The following PARVB variants were observed in gnomAD, a reference collection of about 807,000 sequenced individuals.
The protein encoded by PARVB is beta-parvin.
PARVB carries 46 observed loss-of-function variants against 47.0 expected under a neutral mutation model. That is an observed-to-expected ratio of 0.98 (90% CI 0.77 to 1.25). The LOEUF is 1.25. PARVB is among the 50% of genes most tolerant of loss of function. PARVB has a pLI of 0.00. For synonymous variants in PARVB, 196 were observed against 196.3 expected, an observed-to-expected ratio of 1.00 and a Z score of 0.01; for missense variants, 473 against 471.6, an observed-to-expected ratio of 1.00 and a Z score of -0.03.
intron 2 of PARVB, among the ~76,000 whole-genome samples, chr22:44,017,035 C>T (rs2050590704): frequency 6.6e-6 from 1 of 152,034 alleles, no homozygotes; most frequent in East Asian, 1.9e-4. Context: ...ACTGCCATGT[C>T]CAGCTAATTT....
chr22:44,007,184 T>C (rs890164906), intron 2 of PARVB, among the ~76,000 whole-genome samples: 2 of 150,956 alleles, frequency 1.3e-5, no homozygotes, highest in African/African-American at 4.9e-5. Flanking sequence ...CGGGCGGAGA[T>C]GACACTTCAG....
intron 1 of PARVB, among the ~76,000 whole-genome samples, chr22:44,055,031 TATGTATTTTATGTTAA>T (rs928346053): frequency 3.3e-5 from 5 of 149,674 alleles, no homozygotes; most frequent in African/African-American, 1.2e-4. Flanking sequence ...TGAGAAATTT[TATGTATTTTATGTTAA>T]ATGTACCTTA....
chr22:44,172,862 C>T lies in PARVB; in HGVS notation c.*4184C>T, dbSNP rs966253428. ...TGCAACACCGGGCAAACACTTCTTCCGCCAGGGATGCGGTTAGGACAATGC... is the reference window on the plus strand; with the variant it reads ...TGCAACACCGGGCAAACACTTCTTCTGCCAGGGATGCGGTTAGGACAATGC... On this transcript the variant is annotated 3_prime_UTR_variant, in exon 13 of 13. Transcript: ENST00000338758. The T allele has an allele frequency of 7.1e-5, 58 of 818,634 alleles. No individual in the cohort carries two copies. Among genetic ancestry groups the T allele is most frequent in the Admixed American group, 1.3e-4 (4 of 31,826 alleles). The allele number at this position is 818,634 out of a possible 1,614,324, so 50.7% of individuals were successfully genotyped here. A position where few individuals can be genotyped will look rare whatever the true frequency, so the allele number is the denominator to read the frequency against.
At chr22:44,080,588 C>G (rs2051877983) in intron 1 of PARVB, among the ~76,000 whole-genome samples, 1 of 152,216 alleles carries the variant, frequency 6.6e-6, no homozygotes, top group South Asian at 2.1e-4. Context: ...AGGTCCTTAC[C>G]TAATCACATC....
intron 2 of PARVB, among the ~76,000 whole-genome samples, chr22:44,011,679 G>T (rs75098626): frequency 1.3e-5 from 2 of 152,018 alleles, no homozygotes; most frequent in South Asian, 2.1e-4. Context: ...ATCAGAGTCT[G>T]TCTGGCCCCT....
intron 2 of PARVB, among the ~76,000 whole-genome samples, chr22:44,014,532 A>C (rs1203253949): frequency 6.6e-6 from 1 of 152,232 alleles, no homozygotes; most frequent in Non-Finnish European, 1.5e-5. Flanking sequence ...GAAGGAGCTA[A>C]GTTCATATTT....
At chr22:44,102,979 G>T (rs562055838) in intron 3 of PARVB, 1 of 152,816 alleles carries the variant, frequency 6.5e-6, no homozygotes, top group East Asian at 1.9e-4. Context: ...GTGGGGTCCT[G>T]TGCTGGGCCC....
intron 6 of PARVB, among the ~76,000 whole-genome samples, chr22:44,135,387 T>A (rs1160699593): frequency 6.6e-6 from 1 of 152,202 alleles, no homozygotes; most frequent in African/African-American, 2.4e-5. Context: ...GCCTCCCAAG[T>A]AGCTGAGATT....
chr22:44,021,632 G>A (rs770805719), upstream of PARVB, among the ~76,000 whole-genome samples: 3 of 152,220 alleles, frequency 2.0e-5, no homozygotes, highest in African/African-American at 7.2e-5. Flanking sequence ...TTATGAGCCA[G>A]GCATGGTGGA....
intron 4 of PARVB, among the ~76,000 whole-genome samples, chr22:44,121,544 C>A (rs544572918): frequency 1.5e-5 from 2 of 135,834 alleles, no homozygotes; most frequent in African/African-American, 5.7e-5. Context: ...CTTTTCTTCT[C>A]CTGTGTCCTT....
chr22:44,081,891 C>T (rs926761543), intron 1 of PARVB, among the ~76,000 whole-genome samples: 1 of 152,210 alleles, frequency 6.6e-6, no homozygotes, highest in Non-Finnish European at 1.5e-5. Flanking sequence ...TGACAGATTT[C>T]ATGACCAGTG....
chr22:44,152,172 CAG>C (rs2053825028), intron 10 of PARVB: 1 of 148,000 alleles, frequency 6.8e-6, no homozygotes, highest in African/African-American at 2.5e-5. Flanking sequence ...TTTTTAAAGA[CAG>C]AGTCTCGCTC....
intron 12 of PARVB, among the ~76,000 whole-genome samples, chr22:44,166,288 T>C (rs1424641354): frequency 6.6e-6 from 1 of 152,192 alleles, no homozygotes; most frequent in African/African-American, 2.4e-5. Flanking sequence ...TTTTCTATTT[T>C]TAGTAGAGAT....
At chr22:44,156,580 T>C (rs917584009) in intron 10 of PARVB, among the ~76,000 whole-genome samples, 1 of 152,212 alleles carries the variant, frequency 6.6e-6, no homozygotes, top group Non-Finnish European at 1.5e-5. Flanking sequence ...CCTAGAAGTT[T>C]TTACTTTTAA....
intron 1 of PARVB, among the ~76,000 whole-genome samples, chr22:44,028,099 A>G (rs1181975048): frequency 6.6e-6 from 1 of 152,082 alleles, no homozygotes; most frequent in South Asian, 2.1e-4. Context: ...TCGTGAGCCA[A>G]CGCTGAGACA....
At chr22:44,051,871 G>T (rs2051214880) in intron 1 of PARVB, among the ~76,000 whole-genome samples, 1 of 152,140 alleles carries the variant, frequency 6.6e-6, no homozygotes, top group African/African-American at 2.4e-5. Context: ...GGGAGAGGAG[G>T]CAGGACACAG....
Position 44,048,659 on chromosome 22 carries a change from T to A in PARVB, c.112+24208T>A, listed in dbSNP as rs544690945. Among the ~76,000 whole-genome samples the A allele has an allele frequency of 8.6e-4, 131 of 152,222 alleles. 2 individuals carry two copies. Among genetic ancestry groups the A allele is most frequent in the Non-Finnish European group, 4.6e-4 (31 of 68,034 alleles). Reference sequence around the variant, plus strand: ...TCACTGTAACCTCCGCCTCCAGGCTTCAAGCGATTCTCCTGCCTCAGCCTC... The same window carrying A: ...TCACTGTAACCTCCGCCTCCAGGCTACAAGCGATTCTCCTGCCTCAGCCTC... On this transcript the variant is annotated intron_variant, in intron 1 of 12. Coordinates refer to ENST00000338758, the MANE Select transcript of PARVB (RefSeq NM_013327.5).
intron 1 of PARVB, among the ~76,000 whole-genome samples, chr22:44,052,093 G>A (rs766505556): frequency 5.9e-5 from 9 of 152,224 alleles, no homozygotes; most frequent in Non-Finnish European, 1.2e-4. Flanking sequence ...GTTGTTTTAA[G>A]CTGCCAGTTT....
At chr22:44,018,172 C>T (rs367636403) in intron 2 of PARVB, among the ~76,000 whole-genome samples, 7 of 152,198 alleles carry the variant, frequency 4.6e-5, no homozygotes, top group Non-Finnish European at 8.8e-5. Flanking sequence ...GAGGCTGAGG[C>T]GGGTGGATCA....
Sources: allele counts gnomAD v4.1 joint callset (sites outside exome capture counted in the v4.1 genomes callset), GRCh38; gene constraint gnomAD v4.1.1; transcripts MANE v1.5; gene names NCBI Gene and HGNC (gene_info 2026-07-23, HGNC 2026-07-21).